The following PKHD1 variants were observed in gnomAD, a reference collection of about 807,000 sequenced individuals.
The protein encoded by PKHD1 is PKHD1 ciliary IPT domain containing fibrocystin/polyductin, also known as fibrocystin.
A neutral mutation model predicts 412.0 loss-of-function variants in PKHD1; 291 were observed. That is an observed-to-expected ratio of 0.71 (90% CI 0.64 to 0.78). PKHD1 has a LOEUF of 0.78. PKHD1 is among the 30% of genes least tolerant of loss of function. The pLI is 0.00. For synonymous variants in PKHD1, 1,777 were observed against 1,821.5 expected (o/e 0.98, Z 0.62); for missense variants, 4,825 against 4,950.7 (o/e 0.97, Z 0.76).
intron 63 of PKHD1, among the ~76,000 whole-genome samples, chr6:51,647,689 G>A (rs534661690): frequency 5.9e-5 from 9 of 152,254 alleles, no homozygotes; most frequent in South Asian, 2.1e-4. Context: ...AGGGTGTGTC[G>A]TGGGGGCACT....
intron 60 of PKHD1, chr6:51,720,726 A>G (rs1457040573): frequency 2.1e-5 from 3 of 143,374 alleles, no homozygotes; most frequent in African/African-American, 7.8e-5. Flanking sequence ...CCTATTTATA[A>G]TTATACATTT....
intron 55 of PKHD1, among the ~76,000 whole-genome samples, chr6:51,760,172 A>G (rs906868652): frequency 1.3e-5 from 2 of 152,170 alleles, no homozygotes; most frequent in Non-Finnish European, 2.9e-5. Flanking sequence ...GTAGTATTTG[A>G]AATTAAATTC....
At chr6:51,740,186 A>T (rs1784395064) in intron 60 of PKHD1, among the ~76,000 whole-genome samples, 1 of 152,220 alleles carries the variant, frequency 6.6e-6, no homozygotes, top group South Asian at 2.1e-4. Context: ...AAACTTACAG[A>T]TAAGTATAAA....
Position 51,940,162 on chromosome 6 carries a change from G to A in PKHD1, c.5909-5840C>T, listed in dbSNP as rs1338017563. On this transcript the variant is annotated intron_variant, in intron 36 of 66. Coordinates refer to ENST00000371117, the MANE Select transcript of PKHD1 (RefSeq NM_138694.4). Reference sequence around the variant, plus strand: ...GCCCTAGACCCTAAAAGGTCAAAAGGCCGTCTTATTCTCAATATACATTTT... The same window carrying A: ...GCCCTAGACCCTAAAAGGTCAAAAGACCGTCTTATTCTCAATATACATTTT... Among the ~76,000 whole-genome samples, 3 of 151,462 alleles carry A rather than the reference G, an allele frequency of 2.0e-5. No homozygotes were observed. In the East Asian group the frequency reaches 5.8e-4, roughly 29 times the overall value.
intron 60 of PKHD1, among the ~76,000 whole-genome samples, chr6:51,700,355 C>T: frequency 6.6e-6 from 1 of 151,934 alleles, no homozygotes; most frequent in East Asian, 1.9e-4. Context: ...ACTCAATTCC[C>T]CTCTCTGGCT....
At chr6:51,640,553 G>A (rs1769213865) in intron 63 of PKHD1, among the ~76,000 whole-genome samples, 1 of 152,128 alleles carries the variant, frequency 6.6e-6, no homozygotes, top group African/African-American at 2.4e-5. Flanking sequence ...GGTATAAACA[G>A]TATACTGGCT....
At chr6:52,062,138 C>A (rs1422992005) in intron 14 of PKHD1, among the ~76,000 whole-genome samples, 1 of 152,166 alleles carries the variant, frequency 6.6e-6, no homozygotes, top group Non-Finnish European at 1.5e-5. Context: ...CCCTCATGTA[C>A]CCAAAGGGCA....
At chr6:52,037,749 T>C (rs1205287824) in intron 27 of PKHD1, among the ~76,000 whole-genome samples, 2 of 152,262 alleles carry the variant, frequency 1.3e-5, no homozygotes, top group Non-Finnish European at 2.9e-5. Flanking sequence ...CAATAAATTA[T>C]GCAACCTCTA....
chr6:52,048,741 G>C, intron 22 of PKHD1, 122 bp from the exon 23 acceptor site: 1 of 1,146,146 alleles, frequency 8.7e-7, no homozygotes, highest in Non-Finnish European at 1.3e-6. Context: ...TAAGGGACCT[G>C]AGGAAACTCA....
At chr6:51,632,070 A>C (rs1767996074) in intron 65 of PKHD1, among the ~76,000 whole-genome samples, 1 of 151,500 alleles carries the variant, frequency 6.6e-6, no homozygotes, top group African/African-American at 2.4e-5. Context: ...CAGCCTCCCG[A>C]GTAGCTGGGA....
At chr6:51,749,150 C>A (rs570829910) in intron 57 of PKHD1, among the ~76,000 whole-genome samples, 1 of 152,112 alleles carries the variant, frequency 6.6e-6, no homozygotes, top group Non-Finnish European at 1.5e-5. Flanking sequence ...AGTATGAGTG[C>A]GAAATTTCCT....
chr6:51,890,912 C>CAATG (rs1779008221), intron 43 of PKHD1, among the ~76,000 whole-genome samples: 1 of 152,190 alleles, frequency 6.6e-6, no homozygotes, highest in African/African-American at 2.4e-5. Context: ...GAATTTTGAG[C>CAATG]AATGACAGAT....
chr6:51,865,782 T>C (rs35164930), intron 48 of PKHD1, among the ~76,000 whole-genome samples: 11,103 of 152,238 alleles, frequency 0.073, 480 homozygotes, highest in Non-Finnish European at 0.1. Context: ...ATTAATCCTT[T>C]CTCCATGAAA....
At chr6:51,998,845 A>G (rs911477495) in intron 35 of PKHD1, among the ~76,000 whole-genome samples, 1 of 152,128 alleles carries the variant, frequency 6.6e-6, no homozygotes, top group African/African-American at 2.4e-5. Flanking sequence ...TCTCATCTGC[A>G]CACTTTTCTG....
intron 21 of PKHD1, among the ~76,000 whole-genome samples, chr6:52,051,320 G>A (rs1806813721): frequency 6.6e-6 from 1 of 152,202 alleles, no homozygotes; most frequent in South Asian, 2.1e-4. Flanking sequence ...AGTGGTAGTG[G>A]GAGATACAAA....
intron 35 of PKHD1, among the ~76,000 whole-genome samples, chr6:51,980,429 A>G (rs758026776): frequency 6.6e-6 from 1 of 152,228 alleles, no homozygotes; most frequent in Non-Finnish European, 1.5e-5. Flanking sequence ...TTTTCTCTTA[A>G]GTTAAATATT....
intron 52 of PKHD1, among the ~76,000 whole-genome samples, chr6:51,812,177 TA>T (rs879859192): frequency 6.6e-6 from 1 of 152,158 alleles, no homozygotes; most frequent in Admixed American, 6.6e-5. Flanking sequence ...GCTAGGGTTT[TA>T]ATAGCTGGTA....
intron 60 of PKHD1, 82 bp downstream of exon 60, chr6:51,744,303 A>G (rs1784925535): frequency 2.5e-6 from 3 of 1,217,348 alleles, no homozygotes; most frequent in Non-Finnish European, 3.7e-6. Context: ...AGTACATTTC[A>G]TTCTCAGTGA....
At chr6:51,893,927 G>A (rs1264137188) in intron 43 of PKHD1, among the ~76,000 whole-genome samples, 1 of 152,196 alleles carries the variant, frequency 6.6e-6, no homozygotes, top group Non-Finnish European at 1.5e-5. Context: ...CTTCTTCAGA[G>A]TTTTTCCACG....
Sources: gnomAD v4.1 joint callset for allele counts (sites outside exome capture counted in the v4.1 genomes callset) on GRCh38, gnomAD v4.1.1 for gene constraint, MANE v1.5 for transcripts, NCBI Gene and HGNC (gene_info 2026-07-23, HGNC 2026-07-21) for gene names.